TRPM3: variants seen among roughly 807,000 people sequenced by gnomAD.
TRPM3 encodes long transient receptor potential channel 3.
In TRPM3, 77 loss-of-function variants were observed where a neutral mutation model predicts 181.2. That is an observed-to-expected ratio of 0.42 (90% CI 0.35 to 0.51). The LOEUF is 0.51. Among genes scored for constraint, TRPM3 ranks in the 20% least tolerant of loss-of-function variants. The pLI is 0.01. For missense variants in TRPM3, 1,759 were observed against 2,196.7 expected (o/e 0.80, Z 3.98); for synonymous variants, 745 against 796.4 (o/e 0.94, Z 1.09).
intron 1 of TRPM3, among the ~76,000 whole-genome samples, chr9:70,974,687 C>G (rs940920384): frequency 1.3e-5 from 2 of 151,786 alleles, no homozygotes; most frequent in South Asian, 2.1e-4. Flanking sequence ...CGAGATCACA[C>G]GACTGCACTC....
At chr9:71,024,574 G>A (rs1196509940) in intron 1 of TRPM3, among the ~76,000 whole-genome samples, 1 of 152,142 alleles carries the variant, frequency 6.6e-6, no homozygotes, top group African/African-American at 2.4e-5. Flanking sequence ...ATTCAACATC[G>A]ACTCTGTTTA....
intron 25 of TRPM3, among the ~76,000 whole-genome samples, chr9:70,537,840 G>T (rs1368293056): frequency 3.9e-5 from 6 of 152,128 alleles, no homozygotes; most frequent in Non-Finnish European, 7.4e-5. Context: ...CCCACAAAAT[G>T]AGAATGTTGC....
chr9:71,064,368 T>C (rs921994081), intron 1 of TRPM3, among the ~76,000 whole-genome samples: 30 of 151,994 alleles, frequency 2.0e-4, no homozygotes, highest in Non-Finnish European at 2.4e-4. Flanking sequence ...AATCTAGACG[T>C]ACTTTAAAGA....
chr9:71,238,659 C>T (rs2081497097), intron 1 of TRPM3, among the ~76,000 whole-genome samples: 1 of 152,132 alleles, frequency 6.6e-6, no homozygotes, highest in South Asian at 2.1e-4. Flanking sequence ...TTAACAAGGT[C>T]TTATCATTGT....
At chr9:71,032,065 TATTATATTATATTATATATATATA>T (rs2057506013) in intron 1 of TRPM3, among the ~76,000 whole-genome samples, 1 of 8,190 alleles carries the variant, frequency 1.2e-4, no homozygotes. Context: ...ATATTATATA[TATTATATTATATTATATATATATA>T]ATTATATAAT....
intron 1 of TRPM3, among the ~76,000 whole-genome samples, chr9:71,109,125 A>T (rs1447482972): frequency 5.9e-5 from 9 of 152,162 alleles, no homozygotes; most frequent in Non-Finnish European, 5.9e-5. Context: ...AGCAGACTCG[A>T]GCTAAAATTT....
At chr9:71,068,780 T>C (rs979094719) in intron 1 of TRPM3, among the ~76,000 whole-genome samples, 1 of 152,236 alleles carries the variant, frequency 6.6e-6, no homozygotes, top group Non-Finnish European at 1.5e-5. Context: ...ATGATTCTCA[T>C]GTGTTCTCAA....
intron 1 of TRPM3, among the ~76,000 whole-genome samples, chr9:71,231,702 T>C (rs1426999916): frequency 6.6e-6 from 1 of 152,202 alleles, no homozygotes; most frequent in African/African-American, 2.4e-5. Context: ...TACTGCATGT[T>C]CTCACTTATA....
intron 7 of TRPM3, among the ~76,000 whole-genome samples, chr9:70,773,179 A>T (rs1431884813): frequency 6.6e-6 from 1 of 152,146 alleles, no homozygotes; most frequent in African/African-American, 2.4e-5. Flanking sequence ...CTCTGGGGCA[A>T]GCAAAATAAA....
intron 1 of TRPM3, among the ~76,000 whole-genome samples, chr9:71,063,224 T>A (rs2061525188): frequency 6.6e-6 from 1 of 152,102 alleles, no homozygotes; most frequent in Non-Finnish European, 1.5e-5. Flanking sequence ...GTCACAAAGC[T>A]CTTAAACCTG....
intron 7 of TRPM3, chr9:70,783,887 C>A: frequency 8.0e-7 from 1 of 1,254,318 alleles, no homozygotes; most frequent in Non-Finnish European, 1.0e-6. Flanking sequence ...TTTTATTATC[C>A]GTGTAGCTTT....
At position 70,761,588 on chromosome 9, in the gene TRPM3, C is replaced by T. The variant is rs555820747; in HGVS notation, c.1272+13G>A. ...ATGTGGAGACAGCTGGCCACCCATGCGGAATTACCTACCAATTCCTTCTTC... is the reference window on the plus strand; with the variant it reads ...ATGTGGAGACAGCTGGCCACCCATGTGGAATTACCTACCAATTCCTTCTTC... On this transcript the variant is annotated intron_variant, in intron 8 of 25. Transcript: ENST00000677713. The T allele has an allele frequency of 1.7e-5, 27 of 1,613,758 alleles. No homozygotes were observed. Among genetic ancestry groups the T allele is most frequent in the East Asian group, 2.2e-5 (1 of 44,828 alleles).
At chr9:71,143,728 T>C (rs1004115655) in intron 1 of TRPM3, among the ~76,000 whole-genome samples, 1 of 152,180 alleles carries the variant, frequency 6.6e-6, no homozygotes, top group Non-Finnish European at 1.5e-5. Context: ...CTGGGTCAAA[T>C]GGTATTTCTG....
At chr9:71,342,955 T>C (rs2091058499) in intron 1 of TRPM3, among the ~76,000 whole-genome samples, 1 of 152,134 alleles carries the variant, frequency 6.6e-6, no homozygotes, top group South Asian at 2.1e-4. Flanking sequence ...ACTAAGTCTA[T>C]GAAATTTAAA....
chr9:70,915,084 A>G (rs1263400296), intron 1 of TRPM3, among the ~76,000 whole-genome samples: 1 of 152,210 alleles, frequency 6.6e-6, no homozygotes, highest in Non-Finnish European at 1.5e-5. Context: ...ATCCCAGAAA[A>G]CATGGCCTCA....
rs370746204 is a variant in TRPM3, at chr9:71,051,600, GGT to G, written c.177+69576_177+69577del. On this transcript the variant is annotated intron_variant, in intron 1 of 25. Transcript: ENST00000677713. ...GGACAGAAAGTGAAAATGGCGGCGG[GGT>G]GGGGGGGTTATATAGTCTTATTGTA... 4.6e-3 allele frequency among the ~76,000 whole-genome samples: 705 copies of G among 152,136 alleles called. 13 individuals are homozygous for G. In the East Asian group the frequency reaches 0.07, roughly 15 times the overall value.
At chr9:70,982,374 G>C (rs750136793) in intron 1 of TRPM3, among the ~76,000 whole-genome samples, 2 of 152,030 alleles carry the variant, frequency 1.3e-5, no homozygotes, top group Non-Finnish European at 2.9e-5. Context: ...TTTTTAAAGG[G>C]ACCCTCTTGA....
intron 1 of TRPM3, among the ~76,000 whole-genome samples, chr9:71,229,397 A>G (rs1222245044): frequency 1.3e-5 from 2 of 152,192 alleles, no homozygotes; most frequent in African/African-American, 4.8e-5. Context: ...TCTCCAGGAC[A>G]TTAAACTTGG....
chr9:71,389,221 T>C (rs954542578), intron 1 of TRPM3, among the ~76,000 whole-genome samples: 1 of 150,920 alleles, frequency 6.6e-6, no homozygotes, highest in African/African-American at 2.4e-5. Context: ...CAAACAAACA[T>C]GAAAAAATGC....
Sources: allele counts gnomAD v4.1 joint callset (sites outside exome capture counted in the v4.1 genomes callset), GRCh38; gene constraint gnomAD v4.1.1; transcripts MANE v1.5; gene names NCBI Gene and HGNC (gene_info 2026-07-23, HGNC 2026-07-21).